Variants in KIT observed in about 807,000 individuals in gnomAD.
The protein encoded by KIT is mast/stem cell growth factor receptor Kit.
Under a neutral mutation model 105.7 loss-of-function variants are expected in KIT, and 16 were observed. That is an observed-to-expected ratio of 0.15 (90% CI 0.10 to 0.23). The LOEUF (loss-of-function observed/expected upper bound fraction) is 0.23. Ranked by LOEUF, KIT falls within the 10% of genes least tolerant of loss-of-function variation. The probability of loss-of-function intolerance (pLI) is 1.00; values close to 1 mark genes in which losing one functional copy is unlikely to be tolerated. For missense variants in KIT, 858 were observed against 1,213.8 expected, an observed-to-expected ratio of 0.71 and a Z score of 4.36; for synonymous variants, 438 against 441.1, an observed-to-expected ratio of 0.99 and a Z score of 0.09.
At chr4:54,690,407 G>T (rs1051404070) in intron 1 of KIT, among the ~76,000 whole-genome samples, 3 of 152,184 alleles carry the variant, frequency 2.0e-5, no homozygotes, top group Non-Finnish European at 2.9e-5. Context: ...TGAGAGCGAA[G>T]GCCATTTTCT....
chr4:54,678,130 C>G (rs1718615655), intron 1 of KIT, among the ~76,000 whole-genome samples: 1 of 152,160 alleles, frequency 6.6e-6, no homozygotes, highest in Non-Finnish European at 1.5e-5. Context: ...AAACACAATT[C>G]CTCACTCACT....
intron 7 of KIT, among the ~76,000 whole-genome samples, chr4:54,715,039 AAAT>A (rs1721386510): frequency 1.3e-5 from 2 of 152,350 alleles, no homozygotes; most frequent in African/African-American, 4.8e-5. Context: ...AGGAAATGTT[AAAT>A]AATGTATTAT....
chr4:54,724,442 G>C (rs928940669), intron 8 of KIT, among the ~76,000 whole-genome samples: 11 of 152,184 alleles, frequency 7.2e-5, no homozygotes, highest in African/African-American at 2.4e-4. Flanking sequence ...TCGGATTGCT[G>C]TTTTCAGCTG....
chr4:54,687,327 A>G (rs1719380444), intron 1 of KIT, among the ~76,000 whole-genome samples: 2 of 152,040 alleles, frequency 1.3e-5, no homozygotes, highest in African/African-American at 4.8e-5. Context: ...AATCCCAGCT[A>G]CTTGAGAGGC....
At chr4:54,694,981 T>C (rs1407048859) in intron 1 of KIT, among the ~76,000 whole-genome samples, 1 of 152,180 alleles carries the variant, frequency 6.6e-6, no homozygotes, top group African/African-American at 2.4e-5. Flanking sequence ...GTTTAGAGAT[T>C]TGTGAATAGT....
At chr4:54,687,031 GT>G (rs1482340252) in intron 1 of KIT, among the ~76,000 whole-genome samples, 22 of 152,282 alleles carry the variant, frequency 1.4e-4, no homozygotes, top group Admixed American at 5.9e-4. Context: ...GGAATATGTG[GT>G]TGTAAAGTAA....
At chr4:54,703,588 TCTTA>T (rs1414791264) in intron 4 of KIT, 132 bp from the exon 5 acceptor site, 18 of 701,570 alleles carry the variant, frequency 2.6e-5, no homozygotes, top group African/African-American at 8.9e-5. Context: ...GCTTTATTAT[TCTTA>T]CTTAAGTAGT....
rs773657951 is a variant in KIT at position 54,738,566 on chromosome 4, A to G, written c.*9A>G. ...TGCACGACGATGTCTGAGCAGAATC[A>G]GTGTTTGGGTCACCCCTCCAGGAAT... On this transcript the variant is annotated 3_prime_UTR_variant, in exon 21 of 21. Transcript: ENST00000288135. 2 of 1,613,824 alleles carry G rather than the reference A, an allele frequency of 1.2e-6. No homozygotes were observed. Among genetic ancestry groups the G allele is most frequent in the South Asian group, 1.1e-5 (1 of 91,076 alleles).
Position 54,664,582 on chromosome 4 carries a change from A to ATTATTTAT in KIT, c.67+6538_67+6545dup, listed in dbSNP as rs3033777. Among the ~76,000 whole-genome samples the ATTATTTAT allele has an allele frequency of 5.7e-3, 828 of 144,392 alleles. 3 individuals are homozygous for ATTATTTAT. The highest frequency in any genetic ancestry group is 0.014 in the Middle Eastern group (4 of 284). The allele number at this position is 144,392 out of a possible 152,430, so 94.7% of individuals were successfully genotyped here. A position where few individuals can be genotyped will look rare whatever the true frequency, so the allele number is the denominator to read the frequency against. ...CAAGACTAAGGGAGAGTCTGTTTTTATTATTTATTTATTTATTTATTTATT... is the reference window on the plus strand; with the variant it reads ...CAAGACTAAGGGAGAGTCTGTTTTTATTATTTATTTATTTATTTATTTATTTATTTATT... On this transcript the variant is annotated intron_variant, in intron 1 of 20. Transcript: ENST00000288135.
At chr4:54,694,804 A>G (rs1719942743) in intron 1 of KIT, among the ~76,000 whole-genome samples, 1 of 152,244 alleles carries the variant, frequency 6.6e-6, no homozygotes, top group Admixed American at 6.5e-5. Flanking sequence ...ATTTGAATAC[A>G]TGGAGGCATG....
chr4:54,735,366 CAA>C (rs60429188), intron 17 of KIT, among the ~76,000 whole-genome samples: 139 of 86,288 alleles, frequency 1.6e-3, no homozygotes, highest in African/African-American at 3.9e-3. Flanking sequence ...ACTTTAACAC[CAA>C]AAAAAAAAAA....
intron 17 of KIT, among the ~76,000 whole-genome samples, chr4:54,734,675 A>G (rs113602162): frequency 6.6e-6 from 1 of 152,280 alleles, no homozygotes; most frequent in African/African-American, 2.4e-5. Context: ...AAACTCATAT[A>G]TGTTACCGCC....
At chr4:54,706,138 A>C (rs553318330) in intron 5 of KIT, among the ~76,000 whole-genome samples, 28 of 152,090 alleles carry the variant, frequency 1.8e-4, no homozygotes, top group Non-Finnish European at 3.8e-4. Context: ...TGTAAATAGC[A>C]CTTTTGTTTT....
chr4:54,706,568 A>G (rs1720807782), intron 5 of KIT, among the ~76,000 whole-genome samples: 1 of 152,134 alleles, frequency 6.6e-6, no homozygotes, highest in Non-Finnish European at 1.5e-5. Context: ...ATAGGAGTCA[A>G]TTGTTATTTA....
At chr4:54,719,359 T>A (rs1298472021) in intron 7 of KIT, among the ~76,000 whole-genome samples, 1 of 152,234 alleles carries the variant, frequency 6.6e-6, no homozygotes, top group Non-Finnish European at 1.5e-5. Context: ...TTGTTCTTGC[T>A]TTCCACATGG....
rs1426364497 is a variant in KIT, at chr4:54,739,346, TA to T, written c.*790del. 1 of 234,700 alleles carries T rather than the reference TA, an allele frequency of 4.3e-6. No homozygotes were observed. The allele number at this position is 234,700 out of a possible 1,614,324, so 14.5% of individuals were successfully genotyped here. On this transcript the variant is annotated 3_prime_UTR_variant, in exon 21 of 21. Transcript: ENST00000288135. The stretch of plus-strand genomic sequence containing the variant: ...GTGTATAGAAGTAGATTAAGAGCCA[TA>T]TAAGTTTGAAGGAAACAGTTAATAC...
At chr4:54,703,649 TTTATC>T in intron 4 of KIT, 70 bp from the exon 5 acceptor site, 1 of 1,263,270 alleles carries the variant, frequency 7.9e-7, no homozygotes, top group African/African-American at 1.5e-5. Context: ...CTATTTTTAA[TTTATC>T]TAGGAAAGAT....
intron 7 of KIT, among the ~76,000 whole-genome samples, chr4:54,720,970 G>A (rs1384731660): frequency 6.6e-6 from 1 of 152,122 alleles, no homozygotes; most frequent in East Asian, 1.9e-4. Context: ...TCACCATTAG[G>A]CTGTTCCCAC....
intron 1 of KIT, among the ~76,000 whole-genome samples, chr4:54,680,384 C>CTT (rs1718816202): frequency 1.6e-5 from 2 of 125,262 alleles, no homozygotes; most frequent in African/African-American, 7.0e-5. Flanking sequence ...TTTCATTCGT[C>CTT]CTTTTTTTTT....
Sources: allele counts gnomAD v4.1 joint callset (sites outside exome capture counted in the v4.1 genomes callset), GRCh38; gene constraint gnomAD v4.1.1; transcripts MANE v1.5; gene names NCBI Gene and HGNC (gene_info 2026-07-23, HGNC 2026-07-21).